Variants in FGF22 observed in about 807,000 individuals in gnomAD.
FGF22 encodes FGF-22.
Under a neutral mutation model 10.3 loss-of-function variants are expected in FGF22, and 11 were observed. The ratio of observed to expected loss-of-function variants is 1.07; its 90% CI spans 0.67 to 1.77. FGF22 has a LOEUF of 1.77. FGF22 is among the 40% of genes most tolerant of loss of function. The pLI is 0.00. For synonymous variants in FGF22, 136 were observed against 122.1 expected, an observed-to-expected ratio of 1.11 and a Z score of -0.75; for missense variants, 317 against 273.2, an observed-to-expected ratio of 1.16 and a Z score of -1.13.
chr19:641,176 G>C (rs1022745300), intron 1 of FGF22: 1 of 456,414 alleles, frequency 2.2e-6, no homozygotes, highest in Non-Finnish European at 4.4e-6. Flanking sequence ...GCTGTGCTCC[G>C]CATGGGGGAC....
chr19:641,475 T>C lies in FGF22; in HGVS notation c.214+1336T>C, dbSNP rs912271530. ...CTGTAGTCCCAGCTACTCGGGAGGC[T>C]GAGGCAGGAGAATGACGTGAAGCCG... On this transcript the variant is annotated intron_variant, in intron 1 of 2. Transcript: ENST00000215530. 7.8e-5 allele frequency: 26 copies of C among 331,254 alleles called. No homozygotes were observed. The East Asian group carries it at 1.9e-3, about 24-fold the overall frequency. 20.5% of individuals were successfully genotyped at this position (331,254 alleles called of 1,614,324 possible). A position where few individuals can be genotyped will look rare whatever the true frequency, so the allele number is the denominator to read the frequency against.
chr19:643,433 G>A (rs1405224576), exon 3 of FGF22: 1 of 1,611,432 alleles, frequency 6.2e-7, no homozygotes. Flanking sequence ...TGGACTGCAG[G>A]TTCCGGGAGC....
chr19:640,935 T>C (rs11572859), intron 1 of FGF22: 13,845 of 334,660 alleles, frequency 0.041, 322 homozygotes, highest in Admixed American at 0.048. Flanking sequence ...AGGCCGCACG[T>C]GACGAGGGCG....
chr19:642,082 G>A (rs1016429881), intron 1 of FGF22, among the ~76,000 whole-genome samples: 2 of 152,208 alleles, frequency 1.3e-5, no homozygotes, highest in Non-Finnish European at 2.9e-5. Context: ...TACAGTCGGC[G>A]CTCAAGCATG....
At chr19:643,851 C>T (rs4919874) in exon 3 of FGF22, 154,094 of 473,112 alleles carry the variant, frequency 0.33, 24,303 homozygotes, top group East Asian at 0.46. Context: ...AGGACGCAGA[C>T]GTCGAAAGGT....
exon 3 of FGF22, chr19:643,869 GA>G: frequency 2.7e-6 from 1 of 372,886 alleles, no homozygotes; most frequent in South Asian, 3.7e-5. Context: ...GGTCGAGGGG[GA>G]CGTCCCAGGC....
At chr19:641,880 G>T (rs1350357201) in intron 1 of FGF22, among the ~76,000 whole-genome samples, 2 of 152,168 alleles carry the variant, frequency 1.3e-5, no homozygotes. Context: ...GCCGGGGTGA[G>T]CGAGTGTGGG....
chr19:639,915 G>C (rs1462378883), exon 1 of FGF22: 5 of 1,215,488 alleles, frequency 4.1e-6, no homozygotes, highest in Middle Eastern at 3.2e-4. Flanking sequence ...CAGCGAACCG[G>C]GTGCCGGGTC....
exon 3 of FGF22, chr19:643,502 G>A: frequency 1.2e-6 from 2 of 1,608,930 alleles, no homozygotes; most frequent in Non-Finnish European, 1.7e-6. Flanking sequence ...GCCGCGGCCA[G>A]CCCATGTTCC....
intron 1 of FGF22, chr19:640,373 T>TG (rs1206469968): frequency 1.7e-5 from 6 of 361,448 alleles, no homozygotes; most frequent in Non-Finnish European, 3.0e-5. Flanking sequence ...AGCGTCCGTG[T>TG]GGTACAACCC....
chr19:641,238 G>A (rs865872992), intron 1 of FGF22: 17 of 456,258 alleles, frequency 3.7e-5, no homozygotes, highest in Admixed American at 1.9e-4. Flanking sequence ...GCAGAGGCGC[G>A]CAGCAGTTAG....
At chr19:641,966 G>A (rs573438366) in intron 1 of FGF22, among the ~76,000 whole-genome samples, 228 of 152,246 alleles carry the variant, frequency 1.5e-3, no homozygotes, top group African/African-American at 5.2e-3. Context: ...GCTCACCCAG[G>A]GCTACCCACA....
exon 3 of FGF22, chr19:643,633 G>T: frequency 2.0e-6 from 3 of 1,475,286 alleles, no homozygotes; most frequent in Admixed American, 2.4e-5. Context: ...GCTCCCCAAG[G>T]TGCCTGGGCT....
rs750445158 is a variant in FGF22, at chr19:643,443, C to A, written c.352C>A (p.Arg118Ser). The change falls in exon 3 of 3, where the codon CGC (arginine) becomes AGC (serine). Residue 118 changes from arginine (R) to serine (S), a missense_variant. Arg to Ser is a moderately radical substitution (Grantham distance 110, BLOSUM62 -1). Coordinates refer to ENST00000215530, the Ensembl canonical transcript of FGF22. ...CACCGTGGACTGCAGGTTCCGGGAG[C>A]GCATCGAAGAGAACGGCCACAACAC... is the stretch of plus-strand genomic sequence containing the variant. The A allele has an allele frequency of 5.0e-6, 8 of 1,611,440 alleles. No individual in the cohort carries two copies. In the South Asian group the frequency reaches 5.5e-5, roughly 11 times the overall value.
chr19:641,362 G>T (rs1225721572), intron 1 of FGF22: 6 of 437,028 alleles, frequency 1.4e-5, no homozygotes, highest in South Asian at 1.6e-5. Flanking sequence ...AGATCACGAG[G>T]TCAGGAGATC....
At chr19:642,814 T>C (rs1474366612) in intron 1 of FGF22, among the ~76,000 whole-genome samples, 3 of 151,104 alleles carry the variant, frequency 2.0e-5, no homozygotes, top group Non-Finnish European at 2.9e-5. Flanking sequence ...CCAGGAACCC[T>C]TTCCCAACCT....
intron 1 of FGF22, chr19:641,711 T>G: frequency 5.9e-6 from 1 of 170,086 alleles, no homozygotes; most frequent in East Asian, 1.7e-4. Flanking sequence ...CCAGGGGAGA[T>G]CGTGACACAG....
chr19:641,988 C>A (rs1985917454), intron 1 of FGF22, among the ~76,000 whole-genome samples: 1 of 152,176 alleles, frequency 6.6e-6, no homozygotes, highest in South Asian at 2.1e-4. Context: ...ACGATGGCGT[C>A]CAAATCTGGC....
exon 3 of FGF22, chr19:643,908 G>A (rs1040277336): frequency 8.0e-6 from 3 of 375,242 alleles, no homozygotes; most frequent in Non-Finnish European, 1.4e-5. Flanking sequence ...GGGGCTCGGG[G>A]TGGGGAGCAC....
Sources: gnomAD v4.1 joint callset for allele counts (sites outside exome capture counted in the v4.1 genomes callset) on GRCh38, gnomAD v4.1.1 for gene constraint, MANE v1.5 for transcripts, NCBI Gene and HGNC (gene_info 2026-07-23, HGNC 2026-07-21) for gene names.